AEBP2: variants seen among roughly 807,000 people sequenced by gnomAD.
AEBP2 encodes zinc finger protein AEBP2.
AEBP2 carries 10 observed loss-of-function variants against 50.8 expected under a neutral mutation model. The ratio of observed to expected loss-of-function variants is 0.20; its 90% CI spans 0.12 to 0.33. AEBP2 has a LOEUF of 0.33. AEBP2 is among the 10% of genes least tolerant of loss of function. The pLI, the probability that AEBP2 is intolerant of heterozygous loss-of-function variation, is 1.00. For missense variants in AEBP2, 570 were observed against 688.0 expected, an observed-to-expected ratio of 0.83 and a Z score of 1.92; for synonymous variants, 296 against 261.3, an observed-to-expected ratio of 1.13 and a Z score of -1.28.
chr12:19,445,937 A>G (rs1948055662), intron 1 of AEBP2: 1 of 152,206 alleles, frequency 6.6e-6, no homozygotes, highest in Non-Finnish European at 1.5e-5. Flanking sequence ...GTACATATTA[A>G]AAACAATTAG....
At chr12:19,495,653 C>T (rs553286468) in intron 4 of AEBP2, among the ~76,000 whole-genome samples, 1 of 151,766 alleles carries the variant, frequency 6.6e-6, no homozygotes, top group Non-Finnish European at 1.5e-5. Context: ...GCAATTCTCC[C>T]ACCTCAGCCT....
chr12:19,443,103 CTTT>C (rs67170632), intron 1 of AEBP2, among the ~76,000 whole-genome samples: 2 of 142,726 alleles, frequency 1.4e-5, no homozygotes, highest in African/African-American at 2.6e-5. Flanking sequence ...ATATCTTTTT[CTTT>C]TTTTTTTTTG....
intron 1 of AEBP2, chr12:19,440,647 A>C (rs931591999): frequency 8.5e-6 from 13 of 1,528,778 alleles, no homozygotes; most frequent in Non-Finnish European, 1.1e-5. Context: ...GACGGCTCTA[A>C]CTCGGAAACA....
chr12:19,516,413 G>T (rs1010767204), intron 7 of AEBP2, among the ~76,000 whole-genome samples: 1 of 152,174 alleles, frequency 6.6e-6, no homozygotes, highest in African/African-American at 2.4e-5. Context: ...AAAGGGCCAT[G>T]AATCTTAAAT....
At chr12:19,444,424 G>A (rs2084570018) in intron 1 of AEBP2, among the ~76,000 whole-genome samples, 1 of 152,166 alleles carries the variant, frequency 6.6e-6, no homozygotes, top group Admixed American at 6.5e-5. Context: ...ACTAGCTATT[G>A]AATCAGTTAA....
chr12:19,472,496 T>A (rs943956828), intron 2 of AEBP2, among the ~76,000 whole-genome samples: 1 of 152,184 alleles, frequency 6.6e-6, no homozygotes, highest in Non-Finnish European at 1.5e-5. Flanking sequence ...TTATACTTAG[T>A]ACCCTGAACC....
At position 19,501,501 on chromosome 12, in the gene AEBP2, G is replaced by C. The variant is rs563835871; in HGVS notation, c.1299+1280G>C. ...ACATGCAAAAAATTAGCCAGGCATAGTGGTGTGCACCTGTAGTCCCAGTTA... is the reference window on the plus strand; with the variant it reads ...ACATGCAAAAAATTAGCCAGGCATACTGGTGTGCACCTGTAGTCCCAGTTA... On this transcript the variant is annotated intron_variant, in intron 5 of 7. Transcript: ENST00000266508. Among the ~76,000 whole-genome samples, 353 of 152,212 alleles carry C rather than the reference G, an allele frequency of 2.3e-3. 1 individual carries two copies. Among genetic ancestry groups the C allele is most frequent in the African/African-American group, 8.1e-3 (335 of 41,530 alleles).
In AEBP2 at chr12:19,440,176, G is replaced by A. The variant is rs1220126092; in HGVS notation, c.477G>A (p.Glu159=). ...ATGGGGACGGCAAGGAGGGCCTGGA[G>A]GAGCCCAAGGGACCGCGGGGCAGCC... ...SGDGDGKEGL[E]EPKGPRGSQG... The change falls in exon 1 of 8, where the codon GAG becomes GAA. Residue 159 remains glutamate, a synonymous_variant. Coordinates refer to ENST00000266508, the MANE Select transcript of AEBP2 (RefSeq NM_153207.5). 1 of 1,474,932 alleles carries A rather than the reference G, an allele frequency of 6.8e-7. No individual in the cohort carries two copies. The highest frequency in any genetic ancestry group is 1.5e-5 in the African/African-American group (1 of 68,420). The allele number at this position is 1,474,932 out of a possible 1,614,324, so 91.4% of individuals were successfully genotyped here. A position where few individuals can be genotyped will look rare whatever the true frequency, so the allele number is the denominator to read the frequency against.
Position 19,479,696 on chromosome 12 carries a change from T to C in AEBP2, c.987+6341T>C, listed in dbSNP as rs375049774. Among the ~76,000 whole-genome samples, 154 of 144,180 alleles carry C rather than the reference T, an allele frequency of 1.1e-3. 1 individual carries two copies. Among genetic ancestry groups the C allele is most frequent in the East Asian group, 1.9e-3 (9 of 4,764 alleles). 94.6% of individuals were successfully genotyped at this position (144,180 alleles called of 152,430 possible). On this transcript the variant is annotated intron_variant, in intron 3 of 7. Transcript: ENST00000266508. ...TGTTGGACTAATTCTTTTATTATTA[T>C]TTAATGTCACCTCTTTGTGGGTTTT...
In AEBP2 at chr12:19,451,062, C is replaced by T. The variant is rs78800529; in HGVS notation, c.671+10692C>T. 2.3e-4 allele frequency among the ~76,000 whole-genome samples: 35 copies of T among 152,084 alleles called. No individual in the cohort carries two copies. The East Asian group carries it at 5.6e-3, about 24-fold the overall frequency. ...TTAATTTATCTGAAAGAAAAGGATACGAATAACAGTTTATTAGAGTTGTAA... is the reference window on the plus strand; with the variant it reads ...TTAATTTATCTGAAAGAAAAGGATATGAATAACAGTTTATTAGAGTTGTAA... On this transcript the variant is annotated intron_variant, in intron 1 of 7. Transcript: ENST00000266508.
chr12:19,423,549 C>T (rs993717616), intron 1 of AEBP2, among the ~76,000 whole-genome samples: 16 of 152,198 alleles, frequency 1.1e-4, no homozygotes, highest in African/African-American at 3.9e-4. Context: ...GCATGGTAAT[C>T]TACTACCTGA....
At chr12:19,428,777 C>T (rs1226722895) in intron 1 of AEBP2, among the ~76,000 whole-genome samples, 1 of 151,620 alleles carries the variant, frequency 6.6e-6, no homozygotes, top group Non-Finnish European at 1.5e-5. Flanking sequence ...CACACCATTG[C>T]ACTGCAGCCT....
chr12:19,473,768 C>T (rs1488179801), intron 3 of AEBP2, among the ~76,000 whole-genome samples: 2 of 152,130 alleles, frequency 1.3e-5, no homozygotes, highest in Admixed American at 6.6e-5. Context: ...TTAAAAGCTC[C>T]TCTAAATTTT....
At position 19,501,797 on chromosome 12, in the gene AEBP2, G is replaced by GTTTTTTTTTTTTTT. The variant is rs754195220; in HGVS notation, c.1299+1583_1299+1596dup. Among the ~76,000 whole-genome samples, 24 of 70,872 alleles carry GTTTTTTTTTTTTTT rather than the reference G, an allele frequency of 3.4e-4. 2 individuals carry two copies. The highest frequency in any genetic ancestry group is 5.7e-4 in the Non-Finnish European group (21 of 37,164). 46.5% of individuals were successfully genotyped at this position (70,872 alleles called of 152,430 possible). On this transcript the variant is annotated intron_variant, in intron 5 of 7. Transcript: ENST00000266508. ...CGTCGTCTCCTATAAAAATGAGTTT[G>GTTTTTTTTTTTTTT]TTTTTTTTTTTTTTTTTTTTGCATT...
chr12:19,436,587 C>CTTTT (rs111566734), upstream of AEBP2, among the ~76,000 whole-genome samples: 1 of 139,902 alleles, frequency 7.1e-6, no homozygotes, highest in Non-Finnish European at 1.5e-5. Context: ...TTTCTTTTTT[C>CTTTT]TTTTTTTTTT....
At chr12:19,449,574 T>C (rs955898356) in intron 1 of AEBP2, among the ~76,000 whole-genome samples, 3 of 152,232 alleles carry the variant, frequency 2.0e-5, no homozygotes, top group African/African-American at 7.2e-5. Flanking sequence ...TTGGCCAATT[T>C]AGTGAATGCT....
At chr12:19,494,067 CT>C in intron 4 of AEBP2, 81 bp downstream of exon 4, 1 of 1,387,470 alleles carries the variant, frequency 7.2e-7, no homozygotes, top group Non-Finnish European at 9.7e-7. Flanking sequence ...CCACTTTGAA[CT>C]TCAACTCCTC....
At chr12:19,429,210 G>A (rs1164049044) in intron 1 of AEBP2, among the ~76,000 whole-genome samples, 3 of 152,138 alleles carry the variant, frequency 2.0e-5, no homozygotes, top group Non-Finnish European at 4.4e-5. Flanking sequence ...TCCCACCTAT[G>A]AGTGAGAACA....
At chr12:19,432,596 A>G (rs1361751163) in intron 1 of AEBP2, among the ~76,000 whole-genome samples, 1 of 152,166 alleles carries the variant, frequency 6.6e-6, no homozygotes, top group Non-Finnish European at 1.5e-5. Flanking sequence ...CAGGGGGCTG[A>G]TGTGGGAGGA....
Sources: allele counts gnomAD v4.1 joint callset (sites outside exome capture counted in the v4.1 genomes callset), GRCh38; gene constraint gnomAD v4.1.1; transcripts MANE v1.5; gene names NCBI Gene and HGNC (gene_info 2026-07-23, HGNC 2026-07-21).